The following OPCML variants were observed in gnomAD, a reference collection of about 807,000 sequenced individuals.
OPCML encodes opioid binding protein/cell adhesion molecule like.
Under a neutral mutation model 37.8 loss-of-function variants are expected in OPCML, and 13 were observed. The observed-to-expected ratio is 0.34, with a 90% CI of 0.22 to 0.55. OPCML has a LOEUF of 0.55. Ranked by LOEUF, OPCML falls within the 20% of genes least tolerant of loss-of-function variation. The pLI, the probability that OPCML is intolerant of heterozygous loss-of-function variation, is 0.91. For synonymous variants in OPCML, 176 were observed against 168.8 expected (o/e 1.04, Z -0.33); for missense variants, 341 against 435.6 (o/e 0.78, Z 1.93).
chr11:132,415,030 C>A lies in OPCML; in HGVS notation c.*5163G>T, dbSNP rs527316824. The A allele has an allele frequency of 3.9e-5, 6 of 152,674 alleles. No homozygotes were observed. Among genetic ancestry groups the A allele is most frequent in the Non-Finnish European group, 7.3e-5 (5 of 68,028 alleles). 9.5% of individuals were successfully genotyped at this position (152,674 alleles called of 1,614,324 possible). ...GTACACTGCACAATCACAACCATCT[C>A]GTATTCATCCTGAATTAGAAAAGGT... On this transcript the variant is annotated 3_prime_UTR_variant, in exon 8 of 8. Transcript: ENST00000524381.
At chr11:133,486,508 A>G (rs1947528623) in intron 1 of OPCML, among the ~76,000 whole-genome samples, 1 of 151,634 alleles carries the variant, frequency 6.6e-6, no homozygotes, top group Non-Finnish European at 1.5e-5. Context: ...TTTTCTTCCT[A>G]TTCCAATGCT....
Position 132,657,299 on chromosome 11 carries a change from A to G in OPCML, c.167T>C (p.Val56Ala). ...ATLRCTIDDR[V>A]TRVAWLNRST... ...GCGGTTTAGCCAGGCCACCCGGGTT[A>G]CCCGGTCATCTATGGTACACCTGCA... The change falls in exon 3 of 8, where the codon GTA becomes GCA. Residue 56 changes from valine (V) to alanine (A), a missense_variant. Transcript: ENST00000524381. 6.2e-7 allele frequency: 1 copy of G among 1,614,212 alleles called. No homozygotes were observed.
chr11:133,358,281 C>T (rs1565590822), intron 1 of OPCML, among the ~76,000 whole-genome samples: 1 of 152,152 alleles, frequency 6.6e-6, no homozygotes, highest in Non-Finnish European at 1.5e-5. Context: ...CCCTAGTGAA[C>T]TATAAGTTCC....
At chr11:133,446,247 T>C (rs977755752) in intron 1 of OPCML, among the ~76,000 whole-genome samples, 2 of 152,298 alleles carry the variant, frequency 1.3e-5, no homozygotes, top group East Asian at 3.9e-4. Context: ...AGTTTTTTAG[T>C]TGAAATAGCA....
At chr11:133,000,405 G>A (rs938663265) in intron 1 of OPCML, among the ~76,000 whole-genome samples, 16 of 152,288 alleles carry the variant, frequency 1.1e-4, no homozygotes, top group South Asian at 2.1e-4. Flanking sequence ...GAGCCACCGC[G>A]CTCATCCTGA....
intron 1 of OPCML, among the ~76,000 whole-genome samples, chr11:133,000,126 G>A (rs892245835): frequency 6.6e-6 from 1 of 151,910 alleles, no homozygotes; most frequent in Non-Finnish European, 1.5e-5. Flanking sequence ...ACGTGATCTC[G>A]GCTCACTGCA....
chr11:132,807,096 C>G (rs1475247643), intron 2 of OPCML, among the ~76,000 whole-genome samples: 1 of 152,122 alleles, frequency 6.6e-6, no homozygotes, highest in Non-Finnish European at 1.5e-5. Context: ...AAATAAAAAT[C>G]TACATTTCCA....
At chr11:132,673,310 T>C (rs1332973818) in intron 2 of OPCML, among the ~76,000 whole-genome samples, 1 of 152,000 alleles carries the variant, frequency 6.6e-6, no homozygotes, top group Non-Finnish European at 1.5e-5. Context: ...ATGATGATGA[T>C]CGTGATGGTG....
chr11:133,020,975 A>G (rs1306809842), intron 1 of OPCML, among the ~76,000 whole-genome samples: 1 of 152,154 alleles, frequency 6.6e-6, no homozygotes, highest in African/African-American at 2.4e-5. Context: ...ATCAATGCAT[A>G]TGACAAGACA....
intron 1 of OPCML, among the ~76,000 whole-genome samples, chr11:133,447,359 C>A (rs1258235344): frequency 6.6e-6 from 1 of 152,148 alleles, no homozygotes; most frequent in East Asian, 1.9e-4. Flanking sequence ...CCTTGGTCTT[C>A]TGTTTTTAAT....
At chr11:133,227,842 G>A (rs1260888736) in intron 1 of OPCML, among the ~76,000 whole-genome samples, 1 of 152,116 alleles carries the variant, frequency 6.6e-6, no homozygotes, top group Admixed American at 6.5e-5. Context: ...AGAAGCATTC[G>A]ACTTAATCGC....
intron 2 of OPCML, among the ~76,000 whole-genome samples, chr11:132,932,493 C>G (rs1438095944): frequency 3.3e-5 from 5 of 151,994 alleles, no homozygotes; most frequent in African/African-American, 1.2e-4. Context: ...TTTTATCCCT[C>G]TCTCTTCCTC....
At chr11:132,931,995 A>G (rs948592858) in intron 2 of OPCML, among the ~76,000 whole-genome samples, 1 of 152,248 alleles carries the variant, frequency 6.6e-6, no homozygotes, top group African/African-American at 2.4e-5. Flanking sequence ...GACAATATGT[A>G]TAGATAACTT....
At chr11:132,939,872 A>G (rs1945518262) in intron 2 of OPCML, among the ~76,000 whole-genome samples, 1 of 152,240 alleles carries the variant, frequency 6.6e-6, no homozygotes. Flanking sequence ...GATTCTGGCC[A>G]AGAGGGCCCA....
chr11:133,009,096 T>C (rs1048444194), intron 1 of OPCML: 1 of 985,382 alleles, frequency 1.0e-6, no homozygotes, highest in Non-Finnish European at 1.2e-6. Context: ...TTTAGTGAGA[T>C]TAAATGCATT....
Position 133,207,119 on chromosome 11 carries a change from T to TAAAAAAAAA in OPCML, c.62-264118_62-264110dup, listed in dbSNP as rs71038525. Reference sequence around the variant, plus strand: ...TGGCTAACACGGTGAAACCCTCTACTAAAAAAAAAAAAAAAAAAAAAATAC... The same window carrying TAAAAAAAAA: ...TGGCTAACACGGTGAAACCCTCTACTAAAAAAAAAAAAAAAAAAAAAAAAAAAAAAATAC... On this transcript the variant is annotated intron_variant, in intron 1 of 7. Transcript: ENST00000524381. Among the ~76,000 whole-genome samples, 17 of 99,636 alleles carry TAAAAAAAAA rather than the reference T, an allele frequency of 1.7e-4. 1 individual carries two copies. The highest frequency in any genetic ancestry group is 3.1e-4 in the Non-Finnish European group (16 of 52,038). 65.4% of individuals were successfully genotyped at this position (99,636 alleles called of 152,430 possible).
intron 4 of OPCML, among the ~76,000 whole-genome samples, chr11:132,504,901 G>C (rs1321422515): frequency 6.6e-6 from 1 of 152,046 alleles, no homozygotes; most frequent in Admixed American, 6.5e-5. Context: ...TACCCTCATA[G>C]ACTTTCTAAG....
intron 3 of OPCML, among the ~76,000 whole-genome samples, chr11:132,627,816 A>C (rs1939839429): frequency 6.6e-6 from 1 of 152,210 alleles, no homozygotes; most frequent in Admixed American, 6.5e-5. Context: ...TTTACAATAG[A>C]CAATAATAAA....
At chr11:132,720,930 A>G (rs941971283) in intron 2 of OPCML, among the ~76,000 whole-genome samples, 3 of 152,160 alleles carry the variant, frequency 2.0e-5, no homozygotes, top group Non-Finnish European at 2.9e-5. Flanking sequence ...AGGCAAAATT[A>G]CAACTTATAA....
Sources: gnomAD v4.1 joint callset for allele counts (sites outside exome capture counted in the v4.1 genomes callset) on GRCh38, gnomAD v4.1.1 for gene constraint, MANE v1.5 for transcripts, NCBI Gene and HGNC (gene_info 2026-07-23, HGNC 2026-07-21) for gene names.